TTC28: variants seen among roughly 807,000 people sequenced by gnomAD.
TTC28 encodes the protein tetratricopeptide repeat protein 28.
In TTC28, 61 loss-of-function variants were observed where a neutral mutation model predicts 198.0. That is an observed-to-expected ratio of 0.31 (90% CI 0.25 to 0.38). The LOEUF is 0.38. Among genes scored for constraint, TTC28 ranks in the 10% least tolerant of loss-of-function variants. The probability of loss-of-function intolerance (pLI) is 1.00; values close to 1 mark genes in which losing one functional copy is unlikely to be tolerated. For synonymous variants in TTC28, 1,171 were observed against 1,297.8 expected (o/e 0.90, Z 2.10); for missense variants, 2,678 against 3,164.0 (o/e 0.85, Z 3.69).
At chr22:28,539,937 C>CTTTT (rs34198666) in intron 2 of TTC28, among the ~76,000 whole-genome samples, 21 of 84,618 alleles carry the variant, frequency 2.5e-4, no homozygotes, top group Non-Finnish European at 3.7e-4. Context: ...CCTCAGGAAG[C>CTTTT]TTTTTTTTTT....
At chr22:28,386,069 G>A (rs695627) in intron 2 of TTC28, among the ~76,000 whole-genome samples, 1 of 151,450 alleles carries the variant, frequency 6.6e-6, no homozygotes, top group African/African-American at 2.4e-5. Flanking sequence ...GAGGTCAGGA[G>A]ATCGAGACCA....
chr22:28,292,054 G>A (rs2044797869), intron 5 of TTC28, among the ~76,000 whole-genome samples: 1 of 150,800 alleles, frequency 6.6e-6, no homozygotes, highest in South Asian at 2.1e-4. Context: ...TTATGTAATT[G>A]GATAAAACTA....
intron 5 of TTC28, among the ~76,000 whole-genome samples, chr22:28,236,371 C>T (rs967569784): frequency 2.0e-5 from 3 of 151,994 alleles, no homozygotes; most frequent in African/African-American, 7.3e-5. Context: ...CTTGCATGAC[C>T]GATATTATTA....
At chr22:28,029,801 T>G (rs1938998683) in intron 13 of TTC28, among the ~76,000 whole-genome samples, 1 of 152,186 alleles carries the variant, frequency 6.6e-6, no homozygotes, top group Non-Finnish European at 1.5e-5. Flanking sequence ...AGCACTAGCA[T>G]TCTCACTCTC....
intron 5 of TTC28, among the ~76,000 whole-genome samples, chr22:28,229,733 TC>T (rs1928658912): frequency 6.6e-6 from 1 of 152,112 alleles, no homozygotes; most frequent in Non-Finnish European, 1.5e-5. Context: ...AGAACAGTCA[TC>T]CAGCATTCAG....
intron 2 of TTC28, among the ~76,000 whole-genome samples, chr22:28,511,598 T>A (rs908344085): frequency 6.6e-6 from 1 of 152,012 alleles, no homozygotes; most frequent in African/African-American, 2.4e-5. Context: ...GGCAGGTGGA[T>A]CACGAGGTCA....
chr22:28,089,244 G>A (rs1941730026), intron 12 of TTC28, among the ~76,000 whole-genome samples: 2 of 152,084 alleles, frequency 1.3e-5, no homozygotes, highest in Admixed American at 6.6e-5. Flanking sequence ...ATTCACAATA[G>A]CAAAGACTTG....
At chr22:28,520,763 C>T (rs1372638836) in intron 2 of TTC28, among the ~76,000 whole-genome samples, 1 of 151,824 alleles carries the variant, frequency 6.6e-6, no homozygotes, top group East Asian at 1.9e-4. Context: ...ATCTAAAAAA[C>T]AAAACAGGGC....
chr22:28,527,954 A>C (rs2049041594), intron 2 of TTC28, among the ~76,000 whole-genome samples: 1 of 152,208 alleles, frequency 6.6e-6, no homozygotes, highest in South Asian at 2.1e-4. Flanking sequence ...ACAGCAAGAC[A>C]GAACAAGTGT....
chr22:28,012,809 G>A (rs1175933726), intron 14 of TTC28, among the ~76,000 whole-genome samples: 3 of 152,202 alleles, frequency 2.0e-5, no homozygotes, highest in African/African-American at 7.2e-5. Flanking sequence ...ACTGTGCTTG[G>A]CCAGGTGCTT....
At position 28,128,569 on chromosome 22, in the gene TTC28, G is replaced by A. The variant is rs190351902; in HGVS notation, c.1442-20166C>T. Reference sequence around the variant, plus strand: ...ATTTTTGTTTTTGAGACAGGGTTTTGTTCTGTCACCCAGGCTGGAGTACAG... The same window carrying A: ...ATTTTTGTTTTTGAGACAGGGTTTTATTCTGTCACCCAGGCTGGAGTACAG... On this transcript the variant is annotated intron_variant, in intron 6 of 22. Transcript: ENST00000397906. Among the ~76,000 whole-genome samples the A allele has an allele frequency of 9.2e-4, 140 of 152,090 alleles. 1 individual carries two copies. Among genetic ancestry groups the A allele is most frequent in the African/African-American group, 3.2e-3 (133 of 41,514 alleles).
At chr22:28,424,093 CTCTT>C (rs985062149) in intron 2 of TTC28, among the ~76,000 whole-genome samples, 6 of 150,616 alleles carry the variant, frequency 4.0e-5, no homozygotes, top group African/African-American at 1.5e-4. Context: ...GGAAATTAGG[CTCTT>C]TGTTTTCTAG....
chr22:28,247,147 G>T (rs1163433380), intron 5 of TTC28, among the ~76,000 whole-genome samples: 1 of 152,204 alleles, frequency 6.6e-6, no homozygotes, highest in East Asian at 1.9e-4. Context: ...TGATGCGGCT[G>T]CTGGGTGCCT....
intron 2 of TTC28, among the ~76,000 whole-genome samples, chr22:28,319,245 T>G (rs899394256): frequency 6.6e-6 from 1 of 152,198 alleles, no homozygotes; most frequent in African/African-American, 2.4e-5. Context: ...TTCAGGTCCC[T>G]TCCTCAGAAG....
At chr22:28,457,749 A>AT (rs998309160) in intron 2 of TTC28, among the ~76,000 whole-genome samples, 1 of 151,992 alleles carries the variant, frequency 6.6e-6, no homozygotes, top group African/African-American at 2.4e-5. Flanking sequence ...CATTAGCTTT[A>AT]TTTTTTCAAA....
chr22:28,152,019 C>A (rs758278137), intron 6 of TTC28, among the ~76,000 whole-genome samples: 1 of 152,028 alleles, frequency 6.6e-6, no homozygotes, highest in African/African-American at 2.4e-5. Context: ...CAGGCTGTAG[C>A]AAAAGACAAC....
chr22:28,291,004 A>C (rs1163002482), intron 5 of TTC28, among the ~76,000 whole-genome samples: 2 of 85,672 alleles, frequency 2.3e-5, no homozygotes, highest in Non-Finnish European at 5.3e-5. Context: ...AGTGTAGATC[A>C]GTGAGGGGAC....
chr22:28,012,758 C>T (rs537126195), intron 14 of TTC28, among the ~76,000 whole-genome samples: 131 of 152,236 alleles, frequency 8.6e-4, no homozygotes, highest in African/African-American at 3.0e-3. Context: ...GTGATCTGCC[C>T]GGCTCGGCCT....
In TTC28 at chr22:27,982,171, C is replaced by T; in HGVS notation, c.*50G>A. On this transcript the variant is annotated 3_prime_UTR_variant, in exon 23 of 23. Coordinates refer to ENST00000397906, the MANE Select transcript of TTC28 (RefSeq NM_001145418.2). The surrounding 1 kb of genome is among the most constrained non-coding windows in gnomAD (Gnocchi z 5.2). ...ACTCAGGGAAGGGCTGAAGCAAACG[C>T]CAGGCCCCCATCTGCAGGCTGCTCA... is the stretch of plus-strand genomic sequence containing the variant. The T allele has an allele frequency of 6.9e-7, 1 of 1,450,198 alleles. No homozygotes were observed. The highest frequency in any genetic ancestry group is 9.1e-7 in the Non-Finnish European group (1 of 1,099,254). 89.8% of individuals were successfully genotyped at this position (1,450,198 alleles called of 1,614,324 possible).
Sources: gnomAD v4.1 joint callset for allele counts (sites outside exome capture counted in the v4.1 genomes callset) on GRCh38, gnomAD v4.1.1 for gene constraint, Gnocchi (gnomAD v3.1) non-coding constraint, MANE v1.5 for transcripts, NCBI Gene and HGNC (gene_info 2026-07-23, HGNC 2026-07-21) for gene names.